Variants in RLF observed in about 807,000 individuals in gnomAD.
RLF encodes the protein RLF zinc finger.
RLF carries 7 observed loss-of-function variants against 162.9 expected under a neutral mutation model. That is an observed-to-expected ratio of 0.04 (90% CI 0.02 to 0.08). The LOEUF (loss-of-function observed/expected upper bound fraction) is 0.08. Ranked by LOEUF, RLF falls within the 10% of genes least tolerant of loss-of-function variation. RLF has a pLI of 1.00. For missense variants in RLF, 1,664 were observed against 2,244.7 expected (o/e 0.74, Z 5.23); for synonymous variants, 782 against 791.5 (o/e 0.99, Z 0.20).
intron 4 of RLF, among the ~76,000 whole-genome samples, chr1:40,200,971 C>T (rs1273906668): frequency 1.9e-5 from 2 of 102,646 alleles, no homozygotes; most frequent in Non-Finnish European, 3.8e-5. Flanking sequence ...CATTGCTACT[C>T]TACACACACA....
chr1:40,184,519 A>AT (rs1171040820), intron 1 of RLF, among the ~76,000 whole-genome samples: 2 of 152,346 alleles, frequency 1.3e-5, no homozygotes, highest in African/African-American at 4.8e-5. Flanking sequence ...GAGGAAGAGC[A>AT]TATTTGCTGG....
chr1:40,169,178 T>C (rs994289883), intron 1 of RLF, among the ~76,000 whole-genome samples: 3 of 152,152 alleles, frequency 2.0e-5, no homozygotes, highest in African/African-American at 7.2e-5. Flanking sequence ...GACAGAAAAC[T>C]GAGGTCCAGA....
chr1:40,240,669 A>G lies in RLF; in HGVS notation c.*222A>G. 2 of 502,832 alleles carry G rather than the reference A, an allele frequency of 4.0e-6. No individual in the cohort carries two copies. Among genetic ancestry groups the G allele is most frequent in the Non-Finnish European group, 7.1e-6 (2 of 282,046 alleles). 31.1% of individuals were successfully genotyped at this position (502,832 alleles called of 1,614,324 possible). ...TATTTTTGTTTGTTTGTTTATTAAA[A>G]AAATGGAACTGTACACTTGTTTGGT... On this transcript the variant is annotated 3_prime_UTR_variant, in exon 8 of 8. Transcript: ENST00000372771.
In RLF at chr1:40,214,262, T is replaced by TAGAGG. The variant is rs776549912; in HGVS notation, c.811-8311_811-8307dup. On this transcript the variant is annotated intron_variant, in intron 5 of 7. Coordinates refer to ENST00000372771, the MANE Select transcript of RLF (RefSeq NM_012421.4). ...GACAGTGTTCATACAATGTGAGATT[T>TAGAGG]AGAGGTCTGAGCTGGAAATTAAGAG... is the stretch of plus-strand genomic sequence containing the variant. Among the ~76,000 whole-genome samples the TAGAGG allele has an allele frequency of 8.5e-5, 13 of 152,278 alleles. 1 individual carries two copies. Among genetic ancestry groups the TAGAGG allele is most frequent in the East Asian group, 3.9e-4 (2 of 5,182 alleles).
At chr1:40,198,183 A>G (rs1373645088) in intron 4 of RLF, among the ~76,000 whole-genome samples, 1 of 150,390 alleles carries the variant, frequency 6.6e-6, no homozygotes, top group Non-Finnish European at 1.5e-5. Flanking sequence ...TTGTATTTTT[A>G]GTAGAGATGG....
At chr1:40,169,799 T>G (rs1379708413) in intron 1 of RLF, among the ~76,000 whole-genome samples, 3 of 150,650 alleles carry the variant, frequency 2.0e-5, no homozygotes, top group Non-Finnish European at 3.0e-5. Flanking sequence ...TTCAAGTGAT[T>G]CTCCTGCCTC....
chr1:40,181,848 C>T (rs1642408294), intron 1 of RLF, among the ~76,000 whole-genome samples: 2 of 152,076 alleles, frequency 1.3e-5, no homozygotes, highest in Admixed American at 6.6e-5. Flanking sequence ...AAAAATTATC[C>T]ACCCAGCAAT....
At chr1:40,194,828 T>A (rs1207773203) in intron 3 of RLF, among the ~76,000 whole-genome samples, 4 of 150,816 alleles carry the variant, frequency 2.7e-5, no homozygotes, top group Non-Finnish European at 5.9e-5. Context: ...ATTTATTTAT[T>A]TATTTATTTA....
At chr1:40,200,866 C>A (rs1557748397) in intron 4 of RLF, among the ~76,000 whole-genome samples, 1 of 107,740 alleles carries the variant, frequency 9.3e-6, no homozygotes, top group East Asian at 3.7e-4. Flanking sequence ...CATTGCTACT[C>A]TACACACACA....
Position 40,239,892 on chromosome 1 carries a change from G to T in RLF, c.5190G>T (p.Gln1730His). ...GGATCAAAGAATCAGAAACTAGGCAGCATAGTTCAGGGCAAGAAAACACTG... is the reference window on the plus strand; with the variant it reads ...GGATCAAAGAATCAGAAACTAGGCATCATAGTTCAGGGCAAGAAAACACTG... ...LPRIKESETR[Q>H]HSSGQENTVK... Residue 1730 changes from glutamine to histidine, a missense_variant, in exon 8 of 8, where the codon CAG (glutamine) becomes CAT (histidine). Around this residue, in one of 15 missense-constraint regions of RLF, gnomAD observed 327 missense variants for 342.7 expected, o/e 0.95. Transcript: ENST00000372771. The T allele has an allele frequency of 6.2e-7, 1 of 1,613,722 alleles. No homozygotes were observed. The highest frequency in any genetic ancestry group is 8.5e-7 in the Non-Finnish European group (1 of 1,180,010).
rs1470123333 is a variant in RLF, at chr1:40,222,633, G to T, written c.870G>T (p.Gly290=). Residue 290 remains glycine, a synonymous_variant, in exon 6 of 8, where the codon GGG becomes GGT. Transcript: ENST00000372771. The part of the protein sequence containing the change: ...LDIICNLESE[G]QDNTAFVLCT... ...TCATTTGTAATCTGGAATCTGAGGG[G>T]CAGGATAACACAGCATTTGTTCTTT... 1.9e-6 allele frequency: 3 copies of T among 1,613,442 alleles called. No individual in the cohort carries two copies. The highest frequency in any genetic ancestry group is 1.7e-6 in the Non-Finnish European group (2 of 1,179,686).
At chr1:40,182,758 T>C (rs1469211235) in intron 1 of RLF, among the ~76,000 whole-genome samples, 2 of 48,902 alleles carry the variant, frequency 4.1e-5, no homozygotes, top group Non-Finnish European at 5.6e-5. Flanking sequence ...GATAGGTAGA[T>C]AGATAGATAG....
intron 1 of RLF, among the ~76,000 whole-genome samples, chr1:40,186,345 T>G (rs1245450095): frequency 6.6e-6 from 1 of 152,126 alleles, no homozygotes; most frequent in Non-Finnish European, 1.5e-5. Context: ...ACCCAGAGTA[T>G]GCTTATAGTG....
At chr1:40,234,515 T>TC (rs1643193400) in intron 7 of RLF, among the ~76,000 whole-genome samples, 1 of 152,236 alleles carries the variant, frequency 6.6e-6, no homozygotes. Context: ...TGGAATTTAC[T>TC]CCATTATTTT....
rs1205123127 is a variant in RLF, at chr1:40,161,848, G to A, written c.237+212G>A. Reference sequence around the variant, plus strand: ...GGCCACCGCTGGGTCGTTTTGCTCTGAGCCTTACTGAGATCCCGGAGGGCC... The same window carrying A: ...GGCCACCGCTGGGTCGTTTTGCTCTAAGCCTTACTGAGATCCCGGAGGGCC... On this transcript the variant is annotated intron_variant, in intron 1 of 7. Transcript: ENST00000372771. The surrounding 1 kb of genome is among the most constrained non-coding windows in gnomAD (Gnocchi z 4.4). Among the ~76,000 whole-genome samples the A allele has an allele frequency of 1.3e-5, 2 of 152,166 alleles. No individual in the cohort carries two copies. The highest frequency in any genetic ancestry group is 3.9e-4 in the East Asian group (2 of 5,186).
intron 1 of RLF, among the ~76,000 whole-genome samples, chr1:40,181,287 A>G (rs1642401740): frequency 6.6e-6 from 1 of 152,158 alleles, no homozygotes; most frequent in Non-Finnish European, 1.5e-5. Context: ...AAAATTAGCC[A>G]GGTGTGGTGG....
rs572834135 is a variant in RLF at position 40,208,620 on chromosome 1, G to T, written c.810+6006G>T. Among the ~76,000 whole-genome samples, 17 of 152,194 alleles carry T rather than the reference G, an allele frequency of 1.1e-4. 1 individual carries two copies. The Middle Eastern group carries it at 0.01, about 91-fold the overall frequency. ...GCTTGAGGCCAAGAGTTCAAGACCA[G>T]CCTGGGCAACATGGTGAAACCCCAT... On this transcript the variant is annotated intron_variant, in intron 5 of 7. Transcript: ENST00000372771.
chr1:40,190,873 G>C lies in RLF; in HGVS notation c.474+20G>C, dbSNP rs1350424664. On this transcript the variant is annotated intron_variant, in intron 3 of 7. Coordinates refer to ENST00000372771, the MANE Select transcript of RLF (RefSeq NM_012421.4). ...CTACAGGTGAGTTGATTTTAACTCA[G>C]AAAAGTTTTCTGTATCCAAGACACC... 6.4e-7 allele frequency: 1 copy of C among 1,556,572 alleles called. No individual in the cohort carries two copies. The highest frequency in any genetic ancestry group is 8.8e-7 in the Non-Finnish European group (1 of 1,136,276).
chr1:40,206,076 C>T (rs1642788366), intron 5 of RLF, among the ~76,000 whole-genome samples: 1 of 152,320 alleles, frequency 6.6e-6, no homozygotes, highest in Middle Eastern at 3.4e-3. Context: ...CTCCTCCAAA[C>T]TCCAGACCCA....
Sources: gnomAD v4.1 joint callset for allele counts (sites outside exome capture counted in the v4.1 genomes callset) on GRCh38, gnomAD v4.1.1 for gene constraint, gnomAD v4.1.1 regional missense constraint, Gnocchi (gnomAD v3.1) non-coding constraint, MANE v1.5 for transcripts, NCBI Gene and HGNC (gene_info 2026-07-23, HGNC 2026-07-21) for gene names.